CORO2B: variants seen among roughly 807,000 people sequenced by gnomAD.
The protein encoded by CORO2B is coronin-2B.
In CORO2B, 26 loss-of-function variants were observed where a neutral mutation model predicts 58.8. That is an observed-to-expected ratio of 0.44 (90% CI 0.32 to 0.61). The LOEUF (loss-of-function observed/expected upper bound fraction) is 0.61, where lower values mean the gene tolerates loss of function less well. CORO2B is among the 20% of genes least tolerant of loss of function. The pLI is 0.04. For missense variants in CORO2B, 460 were observed against 645.1 expected (o/e 0.71, Z 3.11); for synonymous variants, 242 against 253.8 (o/e 0.95, Z 0.44).
At chr15:68,637,495 T>C (rs900817968) in intron 1 of CORO2B, among the ~76,000 whole-genome samples, 15 of 152,206 alleles carry the variant, frequency 9.9e-5, no homozygotes, top group African/African-American at 3.1e-4. Flanking sequence ...CTATTTTCTC[T>C]TGTGTTCTCA....
At chr15:68,706,281 G>A (rs1892782705) in intron 3 of CORO2B, among the ~76,000 whole-genome samples, 2 of 152,222 alleles carry the variant, frequency 1.3e-5, no homozygotes, top group South Asian at 4.1e-4. Context: ...TTTAAACTTA[G>A]TTCAACACCC....
Position 68,579,202 on chromosome 15 carries a change from G to C in CORO2B, c.-61G>C. On this transcript the variant is annotated 5_prime_UTR_variant, in exon 1 of 12. Coordinates refer to ENST00000261861, the MANE Select transcript of CORO2B (RefSeq NM_006091.5). ...CGGACCCCCTTCCGCCGCCGCCCCG[G>C]GCCGCCGCCGCCGCCCCCGCACGCC... 1 of 993,914 alleles carries C rather than the reference G, an allele frequency of 1.0e-6. No individual in the cohort carries two copies. Among genetic ancestry groups the C allele is most frequent in the Non-Finnish European group, 1.2e-6 (1 of 836,220 alleles). 61.6% of individuals were successfully genotyped at this position (993,914 alleles called of 1,614,324 possible).
chr15:68,554,121 G>A, the CORO2B span, among the ~76,000 whole-genome samples: 3 of 152,194 alleles, frequency 2.0e-5, no homozygotes, highest in Admixed American at 2.0e-4. Flanking sequence ...CAGCAGGTGG[G>A]CTTGTCGGGC....
chr15:68,574,108 A>G (rs1899234574), upstream of CORO2B, among the ~76,000 whole-genome samples: 1 of 152,130 alleles, frequency 6.6e-6, no homozygotes, highest in Non-Finnish European at 1.5e-5. Flanking sequence ...TGTGTGCAAG[A>G]GCTGCTGGGG....
intron 1 of CORO2B, among the ~76,000 whole-genome samples, chr15:68,642,149 G>C (rs539675378): frequency 1.3e-5 from 2 of 148,842 alleles, no homozygotes; most frequent in African/African-American, 5.0e-5. Flanking sequence ...CAATTCTCCT[G>C]CTTCAGCCTC....
the CORO2B span, among the ~76,000 whole-genome samples, chr15:68,561,938 G>A: frequency 5.9e-5 from 9 of 152,180 alleles, no homozygotes; most frequent in Non-Finnish European, 8.8e-5. Context: ...GTACACATGC[G>A]TATGAATGTG....
chr15:68,641,967 G>A (rs1181054304), intron 1 of CORO2B, among the ~76,000 whole-genome samples: 2 of 150,938 alleles, frequency 1.3e-5, no homozygotes, highest in Admixed American at 6.6e-5. Context: ...GGGTTCAAGC[G>A]ATCTGTCCGC....
the CORO2B span, among the ~76,000 whole-genome samples, chr15:68,550,899 T>G: frequency 6.6e-6 from 1 of 152,202 alleles, no homozygotes; most frequent in East Asian, 1.9e-4. Flanking sequence ...GCAGCCCACC[T>G]GCCTCCCAGA....
At chr15:68,723,039 C>A (rs1298042931) in intron 11 of CORO2B, among the ~76,000 whole-genome samples, 1 of 151,588 alleles carries the variant, frequency 6.6e-6, no homozygotes. Flanking sequence ...TGCACTCCAG[C>A]CTGGGCAACA....
At chr15:68,544,525 C>T in the CORO2B span, among the ~76,000 whole-genome samples, 1 of 152,142 alleles carries the variant, frequency 6.6e-6, no homozygotes, top group African/African-American at 2.4e-5. Context: ...AGAGGATGGC[C>T]CCCTGCACCT....
intron 1 of CORO2B, among the ~76,000 whole-genome samples, chr15:68,584,570 C>T (rs1899505703): frequency 6.6e-6 from 1 of 152,190 alleles, no homozygotes; most frequent in Admixed American, 6.5e-5. Flanking sequence ...CAGACACAGC[C>T]TCCGCCAGGG....
chr15:68,583,883 C>T (rs112057210), intron 1 of CORO2B, among the ~76,000 whole-genome samples: 7 of 152,318 alleles, frequency 4.6e-5, no homozygotes, highest in East Asian at 1.9e-4. Context: ...AGCCCACTTG[C>T]GGGTGGGCAA....
chr15:68,531,538 AGG>A, the CORO2B span, among the ~76,000 whole-genome samples: 48 of 133,268 alleles, frequency 3.6e-4, no homozygotes, highest in African/African-American at 5.6e-4. Context: ...GAAGGAAGGA[AGG>A]AAGGAAGGAA....
chr15:68,567,839 G>A, the CORO2B span, among the ~76,000 whole-genome samples: 1 of 152,100 alleles, frequency 6.6e-6, no homozygotes, highest in Non-Finnish European at 1.5e-5. Context: ...GACCAAGATA[G>A]TGAAACCCCG....
intron 9 of CORO2B, 101 bp from the exon 10 acceptor site, chr15:68,719,043 C>T: frequency 1.0e-6 from 1 of 996,040 alleles, no homozygotes; most frequent in Non-Finnish European, 1.6e-6. Flanking sequence ...GGCAGGAGAG[C>T]AGGTAGAGTG....
intron 2 of CORO2B, among the ~76,000 whole-genome samples, chr15:68,647,699 AAAAG>A (rs1555413713): frequency 1.8e-4 from 27 of 148,804 alleles, no homozygotes; most frequent in African/African-American, 2.7e-4. Context: ...CAAAAAAAAA[AAAAG>A]AAAGAAAGAA....
intron 1 of CORO2B, among the ~76,000 whole-genome samples, chr15:68,618,501 A>C (rs1444970221): frequency 6.6e-6 from 1 of 152,272 alleles, no homozygotes; most frequent in Non-Finnish European, 1.5e-5. Context: ...AGATGGAAGC[A>C]ACAGTGTGAT....
At chr15:68,539,420 C>T in the CORO2B span, among the ~76,000 whole-genome samples, 1 of 152,250 alleles carries the variant, frequency 6.6e-6, no homozygotes, top group African/African-American at 2.4e-5. Context: ...CACCTGTAAT[C>T]CCAGCACTTT....
At chr15:68,586,846 G>C (rs1159741760) in intron 1 of CORO2B, among the ~76,000 whole-genome samples, 1 of 152,148 alleles carries the variant, frequency 6.6e-6, no homozygotes, top group East Asian at 1.9e-4. Flanking sequence ...TCCTTGGGCT[G>C]TGTAAAGTGG....
Sources: gnomAD v4.1 joint callset for allele counts (sites outside exome capture counted in the v4.1 genomes callset) on GRCh38, gnomAD v4.1.1 for gene constraint, MANE v1.5 for transcripts, NCBI Gene and HGNC (gene_info 2026-07-23, HGNC 2026-07-21) for gene names.